VANGL1: variants seen among roughly 807,000 people sequenced by gnomAD.
The protein encoded by VANGL1 is vang-like protein 1.
A neutral mutation model predicts 48.4 loss-of-function variants in VANGL1; 18 were observed. That is an observed-to-expected ratio of 0.37 (90% CI 0.26 to 0.55). The LOEUF (loss-of-function observed/expected upper bound fraction) is 0.55. VANGL1 is among the 20% of genes least tolerant of loss of function. VANGL1 has a pLI of 0.81. For missense variants in VANGL1, 667 were observed against 675.8 expected (o/e 0.99, Z 0.14); for synonymous variants, 257 against 261.8 (o/e 0.98, Z 0.18).
At chr1:115,680,276 C>T (rs375106837) in intron 4 of VANGL1, among the ~76,000 whole-genome samples, 28 of 152,164 alleles carry the variant, frequency 1.8e-4, no homozygotes, top group African/African-American at 6.5e-4. Context: ...GCACCCTGTC[C>T]CAGGCAGCCA....
intron 4 of VANGL1, among the ~76,000 whole-genome samples, chr1:115,669,125 G>C (rs1248792813): frequency 1.3e-5 from 2 of 152,052 alleles, no homozygotes; most frequent in Admixed American, 6.6e-5. Context: ...ATATTTTGAG[G>C]GGAAAAAGTG....
intron 4 of VANGL1, among the ~76,000 whole-genome samples, chr1:115,675,532 ACT>A (rs1438535034): frequency 6.6e-6 from 1 of 151,762 alleles, no homozygotes; most frequent in Non-Finnish European, 1.5e-5. Flanking sequence ...AGGTTTGGTG[ACT>A]CACACCTGTA....
At chr1:115,683,490 C>G (rs928384463) in intron 5 of VANGL1, among the ~76,000 whole-genome samples, 1 of 152,164 alleles carries the variant, frequency 6.6e-6, no homozygotes, top group East Asian at 1.9e-4. Flanking sequence ...TGTCTCATGT[C>G]CTTTGACTTT....
intron 1 of VANGL1, among the ~76,000 whole-genome samples, chr1:115,649,871 T>C (rs1652080257): frequency 6.6e-6 from 1 of 152,158 alleles, no homozygotes; most frequent in Non-Finnish European, 1.5e-5. Flanking sequence ...TCCCAGGTTG[T>C]ACTAAACAGT....
At chr1:115,670,675 A>G (rs1287082383) in intron 4 of VANGL1, among the ~76,000 whole-genome samples, 1 of 152,224 alleles carries the variant, frequency 6.6e-6, no homozygotes, top group Non-Finnish European at 1.5e-5. Context: ...GAGAGCCCAG[A>G]GCCAGTGGCT....
Position 115,664,101 on chromosome 1 carries a change from T to A in VANGL1, c.645T>A (p.Asn215Lys). The A allele has an allele frequency of 6.2e-7, 1 of 1,614,198 alleles. No homozygotes were observed. Among genetic ancestry groups the A allele is most frequent in the Non-Finnish European group, 8.5e-7 (1 of 1,180,040 alleles). Residue 215 changes from asparagine (N) to lysine (K), a missense_variant, in exon 4 of 8, where the codon AAT (asparagine) becomes AAA (lysine). Asn to Lys is a moderately conservative substitution (Grantham distance 94). Coordinates refer to ENST00000355485, the MANE Select transcript of VANGL1 (RefSeq NM_138959.3). Reference sequence around the variant, plus strand: ...GCATTTTGGACTCTCGGGACCGGAATTACCAGGGCATTGTGCAATATGCAG... The same window carrying A: ...GCATTTTGGACTCTCGGGACCGGAAATACCAGGGCATTGTGCAATATGCAG... ...GVRILDSRDR[N>K]YQGIVQYAVS... is the part of the protein sequence containing the mutation.
intron 7 of VANGL1, 38 bp from the exon 8 acceptor site, chr1:115,691,081 C>T (rs999833420): frequency 6.8e-6 from 11 of 1,613,932 alleles, no homozygotes; most frequent in Admixed American, 3.3e-5. Flanking sequence ...TTAAAACAGG[C>T]TGTTTCTTCC....
In VANGL1 at chr1:115,693,886, G is replaced by T. The variant is rs937955139; in HGVS notation, c.*2507G>T. ...AACTTCGCCCTAAGGCTGGTAGAAT[G>T]TATGTTCACATTATAGTAGACAGGA... On this transcript the variant is annotated 3_prime_UTR_variant, in exon 8 of 8. Transcript: ENST00000355485. The T allele has an allele frequency of 2.6e-5, 4 of 152,220 alleles. No individual in the cohort carries two copies. Among genetic ancestry groups the T allele is most frequent in the Non-Finnish European group, 5.9e-5 (4 of 68,036 alleles). The allele number at this position is 152,220 out of a possible 1,614,324, so 9.4% of individuals were successfully genotyped here. A position where few individuals can be genotyped will look rare whatever the true frequency, so the allele number is the denominator to read the frequency against.
At chr1:115,691,010 G>C (rs1653807680) in intron 7 of VANGL1, 109 bp from the exon 8 acceptor site, 2 of 1,495,206 alleles carry the variant, frequency 1.3e-6, no homozygotes, top group Non-Finnish European at 1.8e-6. Context: ...GTCTAAGCTG[G>C]TTTATTTGGA....
Position 115,663,838 on chromosome 1 carries a change from A to G in VANGL1, c.382A>G (p.Ile128Val), listed in dbSNP as rs780383368. The change falls in exon 4 of 8, where the codon ATT becomes GTT. Residue 128 changes from isoleucine to valine, a missense_variant. Ile to Val is a conservative substitution (Grantham distance 29, BLOSUM62 3). Coordinates refer to ENST00000355485, the MANE Select transcript of VANGL1 (RefSeq NM_138959.3). ...FLGLLVFLTP[I>V]AFILLPPILW... The stretch of plus-strand genomic sequence containing the variant: ...TGGACTTCTAGTTTTCCTCACCCCT[A>G]TTGCCTTCATCCTTTTACCTCCGAT... 2.5e-6 allele frequency: 4 copies of G among 1,614,000 alleles called. No individual in the cohort carries two copies. Among genetic ancestry groups the G allele is most frequent in the African/African-American group, 1.3e-5 (1 of 74,992 alleles).
chr1:115,662,254 T>A (rs1652587657), intron 3 of VANGL1, among the ~76,000 whole-genome samples: 1 of 152,224 alleles, frequency 6.6e-6, no homozygotes, highest in Non-Finnish European at 1.5e-5. Context: ...TCGGAGTTAT[T>A]TGATGATGAG....
chr1:115,676,336 C>G (rs893889390), intron 4 of VANGL1, among the ~76,000 whole-genome samples: 2 of 152,074 alleles, frequency 1.3e-5, no homozygotes, highest in African/African-American at 2.4e-5. Flanking sequence ...AGTAGCATAA[C>G]TTTGTGGCCC....
chr1:115,653,135 T>G (rs1652215315), intron 2 of VANGL1, among the ~76,000 whole-genome samples: 1 of 152,236 alleles, frequency 6.6e-6, no homozygotes, highest in African/African-American at 2.4e-5. Flanking sequence ...TCGTATTTTC[T>G]TTTTAACTTT....
At position 115,651,357 on chromosome 1, in the gene VANGL1, C is replaced by T. The variant is rs955873508; in HGVS notation, c.-57C>T. On this transcript the variant is annotated 5_prime_UTR_variant, in exon 2 of 8. Coordinates refer to ENST00000355485, the MANE Select transcript of VANGL1 (RefSeq NM_138959.3). The stretch of plus-strand genomic sequence containing the variant: ...TTAGGAGTCTGGTAGGTGAAATTTT[C>T]TACCTCTAAGGAGAAACAGTACCTG... The T allele has an allele frequency of 7.1e-6, 11 of 1,538,730 alleles. No homozygotes were observed. In the Admixed American group the frequency reaches 1.9e-4, roughly 26 times the overall value.
At chr1:115,686,183 G>A (rs1013166371) in intron 7 of VANGL1, among the ~76,000 whole-genome samples, 2 of 152,038 alleles carry the variant, frequency 1.3e-5, no homozygotes, top group African/African-American at 4.8e-5. Flanking sequence ...GCAAACAAGT[G>A]TAGAGGAACT....
At chr1:115,677,851 G>C (rs868021650) in intron 4 of VANGL1, among the ~76,000 whole-genome samples, 1 of 152,182 alleles carries the variant, frequency 6.6e-6, no homozygotes, top group Admixed American at 6.5e-5. Flanking sequence ...AACAGAGGGG[G>C]CAAGTTTCTA....
chr1:115,670,325 A>G (rs1427874299), intron 4 of VANGL1, among the ~76,000 whole-genome samples: 1 of 152,230 alleles, frequency 6.6e-6, no homozygotes, highest in Non-Finnish European at 1.5e-5. Context: ...GGAATATTAC[A>G]TACACTGGAG....
chr1:115,659,610 A>C (rs774692643), intron 2 of VANGL1, 31 bp from the exon 3 acceptor site: 1 of 1,613,842 alleles, frequency 6.2e-7, no homozygotes, highest in Non-Finnish European at 8.5e-7. Flanking sequence ...TTAACATGGC[A>C]TAAATGTGCT....
chr1:115,672,938 G>A (rs903304254), intron 4 of VANGL1, among the ~76,000 whole-genome samples: 6 of 152,166 alleles, frequency 3.9e-5, no homozygotes, highest in Non-Finnish European at 5.9e-5. Context: ...AAGCCCACAC[G>A]TCCAGGTAGA....
Sources: gnomAD v4.1 joint callset for allele counts (sites outside exome capture counted in the v4.1 genomes callset) on GRCh38, gnomAD v4.1.1 for gene constraint, MANE v1.5 for transcripts, NCBI Gene and HGNC (gene_info 2026-07-23, HGNC 2026-07-21) for gene names.